Variants in DPP10 observed in about 807,000 individuals in gnomAD.
DPP10 encodes the protein dipeptidyl peptidase like 10.
DPP10 carries 33 observed loss-of-function variants against 120.9 expected under a neutral mutation model. The ratio of observed to expected loss-of-function variants is 0.27; its 90% CI spans 0.21 to 0.37. The LOEUF is 0.37. Ranked by LOEUF, DPP10 falls within the 10% of genes least tolerant of loss-of-function variation. The pLI is 1.00. For synonymous variants in DPP10, 337 were observed against 326.1 expected (o/e 1.03, Z -0.36); for missense variants, 816 against 942.8 (o/e 0.87, Z 1.76).
At chr2:115,609,100 T>G (rs1200382122) in intron 5 of DPP10, among the ~76,000 whole-genome samples, 5 of 151,986 alleles carry the variant, frequency 3.3e-5, no homozygotes, top group Non-Finnish European at 4.4e-5. Context: ...AATAAACTAT[T>G]CCAAAGAAGA....
chr2:115,397,863 A>G (rs572621938), intron 3 of DPP10, among the ~76,000 whole-genome samples: 2 of 152,274 alleles, frequency 1.3e-5, no homozygotes, highest in African/African-American at 4.8e-5. Context: ...GTCCCGGTGT[A>G]TGTAATTATA....
intron 2 of DPP10, among the ~76,000 whole-genome samples, chr2:115,327,940 G>T (rs1040071173): frequency 6.6e-6 from 1 of 151,978 alleles, no homozygotes; most frequent in African/African-American, 2.4e-5. Flanking sequence ...CATTGCTTTT[G>T]TATCACAAGT....
chr2:115,440,940 TCAACTCCTGGCA>T (rs2071981477), intron 3 of DPP10: 1 of 152,108 alleles, frequency 6.6e-6, no homozygotes, highest in African/African-American at 2.4e-5. Context: ...CTTACACAGG[TCAACTCCTGGCA>T]GAAGCGGGTT....
chr2:115,321,200 C>G (rs547598141), intron 2 of DPP10, among the ~76,000 whole-genome samples: 14 of 152,218 alleles, frequency 9.2e-5, no homozygotes, highest in African/African-American at 3.4e-4. Flanking sequence ...CCTTGGGAGC[C>G]TGAGGCAGGA....
intron 1 of DPP10, among the ~76,000 whole-genome samples, chr2:114,683,775 C>T (rs142068325): frequency 2.2e-4 from 33 of 151,926 alleles, no homozygotes; most frequent in African/African-American, 7.5e-4. Context: ...TTTTCTTTCC[C>T]CTGCCATCCT....
At chr2:115,841,192 T>G (rs895765712) in intron 25 of DPP10, among the ~76,000 whole-genome samples, 1 of 151,852 alleles carries the variant, frequency 6.6e-6, no homozygotes, top group South Asian at 2.1e-4. Flanking sequence ...GTCTTTATTA[T>G]TAAATATGAG....
rs770257210 is a variant in DPP10 at position 115,004,336 on chromosome 2, T to C, written c.61-304903T>C. ...AAATAATTTAAATGTTATTAGCATA[T>C]AGAAAAGACAAATATCTAGGGGGAG... On this transcript the variant is annotated intron_variant, in intron 1 of 25. Coordinates refer to ENST00000410059, the MANE Select transcript of DPP10 (RefSeq NM_020868.6). Among the ~76,000 whole-genome samples the C allele has an allele frequency of 7.9e-5, 12 of 151,714 alleles. No homozygotes were observed. In the South Asian group the frequency reaches 8.3e-4, roughly 11 times the overall value.
chr2:114,554,972 C>T (rs1397335158), intron 1 of DPP10, among the ~76,000 whole-genome samples: 2 of 152,124 alleles, frequency 1.3e-5, no homozygotes, highest in East Asian at 3.9e-4. Flanking sequence ...GGCTGCTGGT[C>T]CCAGCCAGTG....
chr2:115,840,311 G>GTTTGTTTT (rs1689961762), intron 24 of DPP10, among the ~76,000 whole-genome samples: 4 of 33,242 alleles, frequency 1.2e-4, no homozygotes, highest in South Asian at 1.4e-3. Flanking sequence ...CAGATATAAG[G>GTTTGTTTT]TTTTTTGGTT....
chr2:115,553,161 ATAT>A (rs934741678), intron 5 of DPP10, among the ~76,000 whole-genome samples: 3 of 152,030 alleles, frequency 2.0e-5, no homozygotes, highest in African/African-American at 7.2e-5. Context: ...TACTATCTAG[ATAT>A]TATTATTTTT....
chr2:114,795,024 C>T (rs1683582369), intron 1 of DPP10, among the ~76,000 whole-genome samples: 2 of 152,050 alleles, frequency 1.3e-5, no homozygotes, highest in African/African-American at 4.8e-5. Context: ...ATTTTGTATA[C>T]CATTCGTCTT....
At chr2:115,363,312 A>T (rs1463416107) in intron 3 of DPP10, among the ~76,000 whole-genome samples, 1 of 152,180 alleles carries the variant, frequency 6.6e-6, no homozygotes. Context: ...TTTCTCCAAG[A>T]TCCTATTATA....
intron 21 of DPP10, among the ~76,000 whole-genome samples, 197 bp downstream of exon 21, chr2:115,815,926 TATATA>T (rs1202592278): frequency 6.6e-6 from 1 of 151,612 alleles, no homozygotes; most frequent in East Asian, 1.9e-4. Flanking sequence ...GAAATGTATA[TATATA>T]ATATATGTAT....
intron 1 of DPP10, among the ~76,000 whole-genome samples, chr2:114,756,415 A>G (rs1679753476): frequency 6.6e-6 from 1 of 152,232 alleles, no homozygotes; most frequent in Non-Finnish European, 1.5e-5. Flanking sequence ...GCAACAGTTA[A>G]GCTGGTGAGG....
At chr2:114,761,956 AG>A (rs1282780021) in intron 1 of DPP10, among the ~76,000 whole-genome samples, 1 of 152,110 alleles carries the variant, frequency 6.6e-6, no homozygotes, top group Non-Finnish European at 1.5e-5. Context: ...AGAGACAGAA[AG>A]CCAGGCAGCC....
intron 5 of DPP10, among the ~76,000 whole-genome samples, chr2:115,555,834 T>TGA (rs201796549): frequency 1.3e-4 from 20 of 151,934 alleles, no homozygotes; most frequent in African/African-American, 2.7e-4. Flanking sequence ...ATAAATCGTA[T>TGA]AACCTATTAC....
intron 1 of DPP10, among the ~76,000 whole-genome samples, chr2:115,270,495 A>G (rs2059653753): frequency 6.6e-6 from 1 of 152,136 alleles, no homozygotes; most frequent in African/African-American, 2.4e-5. Flanking sequence ...TAAAGACAAC[A>G]CACATGAAGA....
chr2:115,145,931 A>G (rs1345039928), intron 1 of DPP10, among the ~76,000 whole-genome samples: 2 of 152,180 alleles, frequency 1.3e-5, no homozygotes, highest in East Asian at 1.9e-4. Flanking sequence ...ATTTTACAAC[A>G]TGGTATACTA....
Position 115,379,892 on chromosome 2 carries a change from G to A in DPP10, c.271+35980G>A, listed in dbSNP as rs537362466. On this transcript the variant is annotated intron_variant, in intron 3 of 25. Transcript: ENST00000410059. ...GTGAGATTCTTAATCCTGAGTTCTA[G>A]TTTGATTGCACTGTGGTCTGAGAGA... Among the ~76,000 whole-genome samples the A allele has an allele frequency of 8.8e-3, 1,334 of 152,282 alleles. 9 individuals are homozygous for A. Among genetic ancestry groups the A allele is most frequent in the South Asian group, 0.013 (63 of 4,818 alleles).
Sources: allele counts gnomAD v4.1 joint callset (sites outside exome capture counted in the v4.1 genomes callset), GRCh38; gene constraint gnomAD v4.1.1; transcripts MANE v1.5; gene names NCBI Gene and HGNC (gene_info 2026-07-23, HGNC 2026-07-21).